UBE2Q2: variants seen among roughly 807,000 people sequenced by gnomAD.
UBE2Q2 encodes the protein ubiquitin-conjugating enzyme E2 Q2.
Under a neutral mutation model 59.9 loss-of-function variants are expected in UBE2Q2, and 54 were observed. The observed-to-expected ratio is 0.90, with a 90% CI of 0.72 to 1.13. The LOEUF (loss-of-function observed/expected upper bound fraction) is 1.13, where lower values mean the gene tolerates loss of function less well. Among genes scored for constraint, UBE2Q2 ranks in the 50% most tolerant of loss-of-function variants. The pLI, the probability that UBE2Q2 is intolerant of heterozygous loss-of-function variation, is 0.00. For synonymous variants in UBE2Q2, 165 were observed against 155.2 expected (o/e 1.06, Z -0.47); for missense variants, 433 against 441.9 (o/e 0.98, Z 0.18).
In UBE2Q2 at chr15:75,890,961, A is replaced by G. The variant is rs775192077; in HGVS notation, c.976A>G (p.Ile326Val). 6.2e-7 allele frequency: 1 copy of G among 1,612,530 alleles called. No individual in the cohort carries two copies. Among genetic ancestry groups the G allele is most frequent in the Admixed American group, 1.7e-5 (1 of 60,030 alleles). ...AYSIESVIMQ[I>V]NATLVKGKAR... ...CTCAATAGAATCGGTCATCATGCAA[A>G]TAAATGCCACCTTAGTCAAAGGCAA... The change falls in exon 11 of 13, where the codon ATA (isoleucine) becomes GTA (valine). Residue 326 changes from isoleucine (I) to valine (V), a missense_variant. Physicochemically the swap from Ile to Val is conservative, Grantham distance 29. Transcript: ENST00000267938.
In UBE2Q2 at chr15:75,865,663, C is replaced by T. The variant is rs188620428; in HGVS notation, c.388-3288C>T. 1.7e-3 allele frequency among the ~76,000 whole-genome samples: 266 copies of T among 152,270 alleles called. 2 individuals are homozygous for T. Among genetic ancestry groups the T allele is most frequent in the African/African-American group, 6.4e-3 (264 of 41,550 alleles). ...CATCAATATGGTCAGAGAATATGGC[C>T]TGTGACCTTTCAGCTGCATTATCAG... On this transcript the variant is annotated intron_variant, in intron 3 of 12. Coordinates refer to ENST00000267938, the MANE Select transcript of UBE2Q2 (RefSeq NM_173469.4).
intron 1 of UBE2Q2, among the ~76,000 whole-genome samples, chr15:75,847,337 G>A (rs1346867982): frequency 6.6e-6 from 1 of 152,156 alleles, no homozygotes; most frequent in East Asian, 1.9e-4. Context: ...GTCTCTAAGG[G>A]CTTGATGGAA....
intron 5 of UBE2Q2, 103 bp from the exon 6 acceptor site, chr15:75,876,083 AT>A: frequency 8.8e-7 from 1 of 1,130,676 alleles, no homozygotes; most frequent in Non-Finnish European, 1.3e-6. Context: ...AAAAAAAAAA[AT>A]GTTGAGTGGT....
At chr15:75,875,311 A>G (rs926507880) in intron 5 of UBE2Q2, among the ~76,000 whole-genome samples, 3 of 152,190 alleles carry the variant, frequency 2.0e-5, no homozygotes, top group Non-Finnish European at 4.4e-5. Context: ...CCCCCCTTCA[A>G]AGTATAGTGC....
At chr15:75,869,080 C>CT (rs1897654111) in intron 4 of UBE2Q2, 70 bp downstream of exon 4, 3 of 1,289,510 alleles carry the variant, frequency 2.3e-6, no homozygotes, top group Non-Finnish European at 3.3e-6. Flanking sequence ...ATTCTCAAAT[C>CT]TTTTTTATAG....
chr15:75,872,069 A>G (rs552959822), intron 4 of UBE2Q2, among the ~76,000 whole-genome samples: 6 of 152,270 alleles, frequency 3.9e-5, no homozygotes, highest in African/African-American at 1.4e-4. Flanking sequence ...AGGGAGCTCA[A>G]TGAAGTATGG....
chr15:75,888,659 C>T lies in UBE2Q2; in HGVS notation c.885-1776C>T, dbSNP rs138702198. 5.5e-3 allele frequency among the ~76,000 whole-genome samples: 832 copies of T among 152,208 alleles called. 8 individuals carry two copies. Among genetic ancestry groups the T allele is most frequent in the African/African-American group, 0.019 (781 of 41,524 alleles). On this transcript the variant is annotated intron_variant, in intron 9 of 12. Coordinates refer to ENST00000267938, the MANE Select transcript of UBE2Q2 (RefSeq NM_173469.4). ...ATGTAATTTAATACAGAAGTAGAATCGGCCACTTTTAGGTGTCGATGCTGC... is the reference window on the plus strand; with the variant it reads ...ATGTAATTTAATACAGAAGTAGAATTGGCCACTTTTAGGTGTCGATGCTGC...
At chr15:75,875,790 A>G (rs1024920165) in intron 5 of UBE2Q2, among the ~76,000 whole-genome samples, 7 of 152,106 alleles carry the variant, frequency 4.6e-5, no homozygotes, top group African/African-American at 1.7e-4. Context: ...GGTTGGGCAC[A>G]GTGGCTCATG....
chr15:75,868,539 G>T (rs1371170640), intron 3 of UBE2Q2, among the ~76,000 whole-genome samples: 2 of 152,142 alleles, frequency 1.3e-5, no homozygotes. Flanking sequence ...AAATGATTCA[G>T]GCTTTCCAAA....
chr15:75,853,744 G>T (rs957953020), intron 1 of UBE2Q2, among the ~76,000 whole-genome samples: 2 of 152,126 alleles, frequency 1.3e-5, no homozygotes, highest in Non-Finnish European at 2.9e-5. Flanking sequence ...CAGCGAAGTT[G>T]TTGGTGGCAG....
intron 8 of UBE2Q2, among the ~76,000 whole-genome samples, chr15:75,882,464 A>G (rs896668032): frequency 2.0e-5 from 3 of 152,226 alleles, no homozygotes; most frequent in Non-Finnish European, 4.4e-5. Flanking sequence ...AAATGAATTA[A>G]ATCATACATA....
chr15:75,899,431 G>C lies in UBE2Q2; in HGVS notation c.1101G>C (p.Trp367Cys). The change falls in exon 13 of 13, where the codon TGG becomes TGC. Residue 367 changes from tryptophan (W) to cysteine (C), a missense_variant. By Grantham distance (215) the Trp-to-Cys change is radical. Transcript: ENST00000267938. ...TTTTTTTTCATTCTATTTCAGGCTG[G>C]TACACCCCTCCAAAGGAAGATGGCT... ...SIVQIHEKNG[W>C]YTPPKEDG The C allele has an allele frequency of 1.3e-6, 2 of 1,590,234 alleles. No individual in the cohort carries two copies. The highest frequency in any genetic ancestry group is 1.7e-6 in the Non-Finnish European group (2 of 1,169,346).
chr15:75,853,253 C>T (rs1896721278), intron 1 of UBE2Q2, among the ~76,000 whole-genome samples: 1 of 152,054 alleles, frequency 6.6e-6, no homozygotes, highest in Non-Finnish European at 1.5e-5. Context: ...GGGCTGATCA[C>T]GAGATCAGGA....
At chr15:75,844,881 G>T (rs1240755489) in intron 1 of UBE2Q2, among the ~76,000 whole-genome samples, 1 of 152,100 alleles carries the variant, frequency 6.6e-6, no homozygotes, top group African/African-American at 2.4e-5. Flanking sequence ...AGTGCCTGCA[G>T]GGTGGCTGGC....
chr15:75,859,868 T>G lies in UBE2Q2; in HGVS notation c.283-10T>G. 6.3e-7 allele frequency: 1 copy of G among 1,578,106 alleles called. No individual in the cohort carries two copies. Among genetic ancestry groups the G allele is most frequent in the Non-Finnish European group, 8.6e-7 (1 of 1,166,004 alleles). On this transcript the variant is annotated splice_polypyrimidine_tract_variant and intron_variant, in intron 2 of 12. Transcript: ENST00000267938. ...AACATAATGCTTATTTACTGAAATGTGTTTTGTAGCTTCGTCAGCAATTGA... is the reference window on the plus strand; with the variant it reads ...AACATAATGCTTATTTACTGAAATGGGTTTTGTAGCTTCGTCAGCAATTGA...
chr15:75,850,767 C>T (rs1366374791), intron 1 of UBE2Q2, among the ~76,000 whole-genome samples: 1 of 152,144 alleles, frequency 6.6e-6, no homozygotes, highest in African/African-American at 2.4e-5. Flanking sequence ...GGTCAGGACT[C>T]CTTTACACTC....
At chr15:75,891,068 A>G (rs1436931388) in intron 11 of UBE2Q2, 54 bp downstream of exon 11, 5 of 1,385,356 alleles carry the variant, frequency 3.6e-6, no homozygotes, top group African/African-American at 2.8e-5. Flanking sequence ...ATATTACTTT[A>G]TAAGCTTTCT....
At chr15:75,860,604 G>A (rs530019029) in intron 3 of UBE2Q2, among the ~76,000 whole-genome samples, 35 of 152,180 alleles carry the variant, frequency 2.3e-4, no homozygotes, top group African/African-American at 6.5e-4. Flanking sequence ...GAATATTTAA[G>A]ATAGGATATT....
chr15:75,849,086 T>C (rs2593301), intron 1 of UBE2Q2, among the ~76,000 whole-genome samples: 2,448 of 152,340 alleles, frequency 0.016, 60 homozygotes, highest in African/African-American at 0.055. Context: ...TTAGAATTTT[T>C]ACTCTGCTTT....
Sources: allele counts gnomAD v4.1 joint callset (sites outside exome capture counted in the v4.1 genomes callset), GRCh38; gene constraint gnomAD v4.1.1; transcripts MANE v1.5; gene names NCBI Gene and HGNC (gene_info 2026-07-23, HGNC 2026-07-21).